The following BTAF1 variants were observed in gnomAD, a reference collection of about 807,000 sequenced individuals.
BTAF1 encodes B-TFIID TATA-box binding protein associated factor 1, also known as TATA-binding protein-associated factor 172.
In BTAF1, 38 loss-of-function variants were observed where a neutral mutation model predicts 227.1. The observed-to-expected ratio is 0.17, with a 90% CI of 0.13 to 0.22. The LOEUF (loss-of-function observed/expected upper bound fraction) is 0.22, where lower values mean the gene tolerates loss of function less well. BTAF1 is among the 10% of genes least tolerant of loss of function. The pLI is 1.00. For synonymous variants in BTAF1, 742 were observed against 751.9 expected (o/e 0.99, Z 0.21); for missense variants, 1,598 against 2,204.0 (o/e 0.73, Z 5.51).
intron 17 of BTAF1, 126 bp downstream of exon 17, chr10:91,982,351 G>C (rs868700524): frequency 7.6e-7 from 1 of 1,323,206 alleles, no homozygotes; most frequent in Non-Finnish European, 1.0e-6. Context: ...ACTAATTATA[G>C]CCTAAGGAAA....
chr10:92,018,698 G>A, intron 33 of BTAF1, 85 bp from the exon 34 acceptor site: 2 of 1,243,722 alleles, frequency 1.6e-6, no homozygotes, highest in Non-Finnish European at 2.2e-6. Context: ...AACAGCATAG[G>A]AAATAGCATA....
chr10:92,011,824 C>G (rs1219529413), intron 30 of BTAF1, among the ~76,000 whole-genome samples: 1 of 151,928 alleles, frequency 6.6e-6, no homozygotes, highest in East Asian at 1.9e-4. Flanking sequence ...TGAAGGCAAG[C>G]GATTGTAGAA....
intron 24 of BTAF1, chr10:91,997,157 A>G: frequency 1.6e-6 from 2 of 1,288,900 alleles, no homozygotes; most frequent in Non-Finnish European, 2.0e-6. Context: ...AGATTACAGG[A>G]GAACTGCGCT....
Position 92,011,297 on chromosome 10 carries a change from T to G in BTAF1, c.4193T>G (p.Phe1398Cys). The change falls in exon 30 of 38, where the codon TTT becomes TGT. Residue 1398 changes from phenylalanine (F) to cysteine (C), a missense_variant. Around this residue, in one of 10 missense-constraint regions of BTAF1, gnomAD observed 184 missense variants for 341.1 expected, o/e 0.54. Coordinates refer to ENST00000265990, the MANE Select transcript of BTAF1 (RefSeq NM_003972.3). Reference sequence around the variant, plus strand: ...TTATTCTCCCTTAGAAATATTAAATTTAACTACTGCATTCTTGATGAAGGC... The same window carrying G: ...TTATTCTCCCTTAGAAATATTAAATGTAACTACTGCATTCTTGATGAAGGC... ...NDIDFFRNIKFNYCILDEGHV... is the reference protein window; with the variant it reads ...NDIDFFRNIKCNYCILDEGHV... The G allele has an allele frequency of 6.6e-7, 1 of 1,507,004 alleles. No homozygotes were observed. Among genetic ancestry groups the G allele is most frequent in the Non-Finnish European group, 8.9e-7 (1 of 1,126,114 alleles). 93.4% of individuals were successfully genotyped at this position (1,507,004 alleles called of 1,614,324 possible). A position where few individuals can be genotyped will look rare whatever the true frequency, so the allele number is the denominator to read the frequency against.
chr10:92,023,539 C>T (rs934324986), intron 34 of BTAF1, among the ~76,000 whole-genome samples: 3 of 152,076 alleles, frequency 2.0e-5, no homozygotes, highest in Non-Finnish European at 2.9e-5. Flanking sequence ...CAAAAATTCA[C>T]TGGGCGTGAT....
chr10:91,962,502 T>C (rs540619777), intron 11 of BTAF1, 36 bp from the exon 12 acceptor site: 2 of 1,413,332 alleles, frequency 1.4e-6, no homozygotes, highest in Admixed American at 2.2e-5. Flanking sequence ...AACTGTAGAA[T>C]AGAAAATTAA....
intron 37 of BTAF1, 114 bp from the exon 38 acceptor site, chr10:92,028,676 T>G: frequency 1.0e-6 from 1 of 1,000,522 alleles, no homozygotes; most frequent in Non-Finnish European, 1.4e-6. Flanking sequence ...TCACTTGAAG[T>G]ACTCAATTCT....
At chr10:91,984,758 TCAAA>T (rs924889590) in intron 19 of BTAF1, among the ~76,000 whole-genome samples, 4 of 152,182 alleles carry the variant, frequency 2.6e-5, no homozygotes, top group African/African-American at 9.6e-5. Flanking sequence ...ATGAAAATAT[TCAAA>T]CATATAGAAA....
intron 35 of BTAF1, among the ~76,000 whole-genome samples, chr10:92,025,897 C>G (rs997050634): frequency 6.6e-6 from 1 of 151,932 alleles, no homozygotes; most frequent in South Asian, 2.1e-4. Context: ...CTTTGGAAGC[C>G]GACAGGCTCA....
At chr10:91,985,854 T>C (rs1200187369) in intron 19 of BTAF1, among the ~76,000 whole-genome samples, 1 of 152,192 alleles carries the variant, frequency 6.6e-6, no homozygotes, top group Non-Finnish European at 1.5e-5. Context: ...GTATCCTGGA[T>C]TCCAATCCTT....
chr10:91,970,397 T>C (rs1847204664), intron 14 of BTAF1, among the ~76,000 whole-genome samples: 1 of 151,982 alleles, frequency 6.6e-6, no homozygotes, highest in Non-Finnish European at 1.5e-5. Context: ...AAGAAAGAGG[T>C]TTAATTGGAC....
At chr10:91,949,286 G>A (rs1025728132) in intron 4 of BTAF1, among the ~76,000 whole-genome samples, 8 of 152,158 alleles carry the variant, frequency 5.3e-5, no homozygotes, top group South Asian at 2.1e-4. Context: ...GCAGTCCAGC[G>A]TGAGTAGCAG....
chr10:91,963,046 CATTATTA>C (rs1348431238), intron 12 of BTAF1, among the ~76,000 whole-genome samples: 1 of 151,824 alleles, frequency 6.6e-6, no homozygotes, highest in Non-Finnish European at 1.5e-5. Context: ...CTCCTCCTCT[CATTATTA>C]ATTATTAATT....
At position 91,923,870 on chromosome 10, in the gene BTAF1, G is replaced by T; in HGVS notation, c.-207G>T. ...GACTGCCGCCTCCGCTACCGTCTTGGACCCCTGCTTACCGGCCGCCGCGGG... is the reference window on the plus strand; with the variant it reads ...GACTGCCGCCTCCGCTACCGTCTTGTACCCCTGCTTACCGGCCGCCGCGGG... On this transcript the variant is annotated 5_prime_UTR_variant, in exon 1 of 38. Transcript: ENST00000265990. 1 of 510,180 alleles carries T rather than the reference G, an allele frequency of 2.0e-6. No homozygotes were observed. Among genetic ancestry groups the T allele is most frequent in the South Asian group, 3.0e-5 (1 of 33,152 alleles). 31.6% of individuals were successfully genotyped at this position (510,180 alleles called of 1,614,324 possible).
intron 28 of BTAF1, among the ~76,000 whole-genome samples, chr10:92,010,114 T>C (rs1358001400): frequency 6.6e-6 from 1 of 152,014 alleles, no homozygotes; most frequent in Non-Finnish European, 1.5e-5. Flanking sequence ...AAACAAAAAA[T>C]TGTGCATTAT....
intron 1 of BTAF1, among the ~76,000 whole-genome samples, chr10:91,930,225 C>G (rs761366044): frequency 5.3e-5 from 8 of 151,980 alleles, no homozygotes; most frequent in Non-Finnish European, 7.4e-5. Flanking sequence ...TTAGTATGTA[C>G]TATGTTTTGT....
At chr10:92,026,560 G>A (rs771889085) in intron 35 of BTAF1, 32 bp from the exon 36 acceptor site, 2 of 1,544,720 alleles carry the variant, frequency 1.3e-6, no homozygotes, top group Non-Finnish European at 1.8e-6. Flanking sequence ...ACTTAAGAAT[G>A]GACTAATTTT....
intron 36 of BTAF1, 71 bp downstream of exon 36, chr10:92,026,822 C>A: frequency 6.7e-7 from 1 of 1,493,310 alleles, no homozygotes; most frequent in Non-Finnish European, 9.0e-7. Context: ...AGATAGGAAA[C>A]CTTGGTTTAG....
At chr10:91,927,325 A>T (rs763146097) in intron 1 of BTAF1, among the ~76,000 whole-genome samples, 2 of 151,970 alleles carry the variant, frequency 1.3e-5, no homozygotes, top group Non-Finnish European at 2.9e-5. Flanking sequence ...TTTAGTAGAG[A>T]TGGGGTTTCT....
Sources: gnomAD v4.1 joint callset for allele counts (sites outside exome capture counted in the v4.1 genomes callset) on GRCh38, gnomAD v4.1.1 for gene constraint, gnomAD v4.1.1 regional missense constraint, MANE v1.5 for transcripts, NCBI Gene and HGNC (gene_info 2026-07-23, HGNC 2026-07-21) for gene names.